The following SDK1 variants were observed in gnomAD, a reference collection of about 807,000 sequenced individuals.
SDK1 encodes the protein protein sidekick-1.
Under a neutral mutation model 245.5 loss-of-function variants are expected in SDK1, and 157 were observed. The observed-to-expected ratio is 0.64, with a 90% CI of 0.56 to 0.73. The LOEUF (loss-of-function observed/expected upper bound fraction) is 0.73, where lower values mean the gene tolerates loss of function less well. Among genes scored for constraint, SDK1 ranks in the 30% least tolerant of loss-of-function variants. The probability of loss-of-function intolerance (pLI) is 0.00; values close to 1 mark genes in which losing one functional copy is unlikely to be tolerated. For synonymous variants in SDK1, 1,647 were observed against 1,278.5 expected (o/e 1.29, Z -6.15); for missense variants, 3,583 against 3,002.3 (o/e 1.19, Z -4.52).
chr7:4,174,471 C>CA, intron 33 of SDK1, 114 bp downstream of exon 33: 1 of 1,196,282 alleles, frequency 8.4e-7, no homozygotes, highest in Non-Finnish European at 1.2e-6. Flanking sequence ...AGAGAAGAGG[C>CA]AGCCCTGCCC....
chr7:4,073,650 A>G (rs1206767476), intron 20 of SDK1, among the ~76,000 whole-genome samples: 1 of 152,192 alleles, frequency 6.6e-6, no homozygotes, highest in East Asian at 1.9e-4. Context: ...CGAGGATCAA[A>G]TTATTTAGCG....
chr7:3,881,319 G>A (rs1014070147), intron 5 of SDK1, among the ~76,000 whole-genome samples: 2 of 152,012 alleles, frequency 1.3e-5, no homozygotes, highest in African/African-American at 4.8e-5. Context: ...TATTCTCATC[G>A]TTCAGCTCCC....
intron 1 of SDK1, among the ~76,000 whole-genome samples, chr7:3,546,328 G>A (rs73296242): frequency 0.017 from 2,578 of 152,318 alleles, 56 homozygotes; most frequent in African/African-American, 0.051. Flanking sequence ...TATGACAGTA[G>A]GTCTCTCGGC....
At chr7:3,836,948 G>A (rs1170688322) in intron 5 of SDK1, among the ~76,000 whole-genome samples, 4 of 152,142 alleles carry the variant, frequency 2.6e-5, no homozygotes, top group African/African-American at 4.8e-5. Flanking sequence ...TGATCCTCAC[G>A]TGGCCTCTCT....
chr7:4,268,236 C>T lies in SDK1; in HGVS notation c.*2852C>T, dbSNP rs550324503. The stretch of plus-strand genomic sequence containing the variant: ...GCCCCACCCTGCAAGGATGTGGTCA[C>T]GGAGTGGCCAGGAGGCTCCGTCTGA... On this transcript the variant is annotated 3_prime_UTR_variant, in exon 45 of 45. Transcript: ENST00000404826. 5.0e-6 allele frequency: 5 copies of T among 992,848 alleles called. No homozygotes were observed. The highest frequency in any genetic ancestry group is 5.8e-5 in the Admixed American group (1 of 17,266). The allele number at this position is 992,848 out of a possible 1,614,324, so 61.5% of individuals were successfully genotyped here.
At chr7:4,199,963 C>T (rs1168223101) in intron 35 of SDK1, among the ~76,000 whole-genome samples, 14 of 152,242 alleles carry the variant, frequency 9.2e-5, no homozygotes, top group South Asian at 4.1e-4. Flanking sequence ...GGTGTGGTGG[C>T]GGGCACCTGT....
rs201781560 is a variant in SDK1 at position 4,174,203 on chromosome 7, C to T, written c.4801-19C>T. The T allele has an allele frequency of 1.7e-4, 280 of 1,613,266 alleles. No individual in the cohort carries two copies. In the East Asian group the frequency reaches 3.1e-3, roughly 18 times the overall value. ...GTTGACTCCCATGGTGTGGCTGAGT[C>T]GGTGTGATGTCTTTGCAGCCTCCGA... On this transcript the variant is annotated intron_variant, in intron 32 of 44. Transcript: ENST00000404826.
intron 1 of SDK1, among the ~76,000 whole-genome samples, chr7:3,518,126 A>T (rs1191977534): frequency 6.6e-6 from 1 of 152,136 alleles, no homozygotes; most frequent in Non-Finnish European, 1.5e-5. Flanking sequence ...AGATAAGATG[A>T]GCTTATATAG....
chr7:3,613,284 A>G (rs1781663611), intron 1 of SDK1, among the ~76,000 whole-genome samples: 2 of 152,214 alleles, frequency 1.3e-5, no homozygotes, highest in African/African-American at 4.8e-5. Context: ...CTCTGCAGAT[A>G]GATGGGTCAT....
chr7:3,610,369 G>A (rs1176105685), intron 1 of SDK1, among the ~76,000 whole-genome samples: 1 of 152,138 alleles, frequency 6.6e-6, no homozygotes, highest in Non-Finnish European at 1.5e-5. Context: ...GAAATATTGT[G>A]CCATATTCAA....
chr7:3,362,913 CTTAAT>C (rs1780992014), intron 1 of SDK1, among the ~76,000 whole-genome samples: 2 of 152,166 alleles, frequency 1.3e-5, no homozygotes, highest in Non-Finnish European at 2.9e-5. Flanking sequence ...AAAATATCCA[CTTAAT>C]TTTATTTTGG....
chr7:4,033,954 A>C (rs377578238), intron 17 of SDK1, among the ~76,000 whole-genome samples: 65 of 152,322 alleles, frequency 4.3e-4, no homozygotes, highest in African/African-American at 1.5e-3. Flanking sequence ...TGTATACATC[A>C]CAAAGGAAAA....
At chr7:4,196,810 C>T (rs1329000739) in intron 35 of SDK1, among the ~76,000 whole-genome samples, 17 of 152,198 alleles carry the variant, frequency 1.1e-4, no homozygotes, top group Admixed American at 9.8e-4. Context: ...GTGCTTCTCA[C>T]GGTACCTAGT....
intron 35 of SDK1, among the ~76,000 whole-genome samples, chr7:4,204,105 G>C (rs372152005): frequency 3.3e-4 from 51 of 152,370 alleles, no homozygotes; most frequent in South Asian, 2.5e-3. Flanking sequence ...GGGCTGTCGC[G>C]GGGGGAGGGC....
Position 3,855,187 on chromosome 7 carries a change from C to G in SDK1, c.847+33604C>G, listed in dbSNP as rs549773242. Among the ~76,000 whole-genome samples, 3 of 152,238 alleles carry G rather than the reference C, an allele frequency of 2.0e-5. No homozygotes were observed. In the South Asian group the frequency reaches 6.2e-4, roughly 32 times the overall value. ...CTCAAGAGCACATCCAGGTCCTTCT[C>G]TCACTGCAGGGGATAGACACAGCAG... is the stretch of plus-strand genomic sequence containing the variant. On this transcript the variant is annotated intron_variant, in intron 5 of 44. Coordinates refer to ENST00000404826, the MANE Select transcript of SDK1 (RefSeq NM_152744.4).
intron 13 of SDK1, among the ~76,000 whole-genome samples, chr7:3,975,958 C>T (rs371249140): frequency 0.026 from 3,329 of 128,256 alleles, 24 homozygotes; most frequent in East Asian, 0.034. Context: ...GGCTGCCACG[C>T]AGAGGGTCCT....
intron 32 of SDK1, among the ~76,000 whole-genome samples, chr7:4,168,089 C>T (rs1051057767): frequency 2.0e-5 from 3 of 152,162 alleles, no homozygotes; most frequent in Admixed American, 1.3e-4. Context: ...CAGGCAGGCC[C>T]GGGCATCTCT....
At chr7:4,054,913 G>A (rs891360290) in intron 19 of SDK1, among the ~76,000 whole-genome samples, 3 of 152,206 alleles carry the variant, frequency 2.0e-5, no homozygotes, top group Non-Finnish European at 2.9e-5. Context: ...TGACTGATTT[G>A]CAAATGTCAA....
At chr7:3,566,373 C>T (rs1033989999) in intron 1 of SDK1, among the ~76,000 whole-genome samples, 2 of 151,778 alleles carry the variant, frequency 1.3e-5, no homozygotes, top group Non-Finnish European at 2.9e-5. Flanking sequence ...TACAGGCACC[C>T]GCCATCACGC....
Sources: gnomAD v4.1 joint callset for allele counts (sites outside exome capture counted in the v4.1 genomes callset) on GRCh38, gnomAD v4.1.1 for gene constraint, MANE v1.5 for transcripts, NCBI Gene and HGNC (gene_info 2026-07-23, HGNC 2026-07-21) for gene names.